GUCY2C: variants seen among roughly 807,000 people sequenced by gnomAD.
GUCY2C encodes guanylate cyclase 2C, also known as guanylyl cyclase C.
A neutral mutation model predicts 131.1 loss-of-function variants in GUCY2C; 118 were observed. The observed-to-expected ratio is 0.90, with a 90% CI of 0.78 to 1.05. GUCY2C has a LOEUF of 1.05. GUCY2C is among the 50% of genes least tolerant of loss of function. The pLI is 0.00. For missense variants in GUCY2C, 1,161 were observed against 1,304.4 expected, an observed-to-expected ratio of 0.89 and a Z score of 1.69; for synonymous variants, 452 against 457.8, an observed-to-expected ratio of 0.99 and a Z score of 0.16.
At chr12:14,629,000 A>G (rs1172337313) in intron 19 of GUCY2C, among the ~76,000 whole-genome samples, 2 of 152,242 alleles carry the variant, frequency 1.3e-5, no homozygotes, top group African/African-American at 4.8e-5. Context: ...ACGGGAGACT[A>G]AGTGAATTTA....
At chr12:14,628,874 T>A in intron 19 of GUCY2C, 137 bp from the exon 20 acceptor site, 2 of 616,874 alleles carry the variant, frequency 3.2e-6, no homozygotes, top group Non-Finnish European at 5.8e-6. Flanking sequence ...GGACAAGAGA[T>A]CCCCAGCTCT....
chr12:14,654,537 T>TC (rs1223590581), intron 12 of GUCY2C, among the ~76,000 whole-genome samples: 1 of 152,186 alleles, frequency 6.6e-6, no homozygotes, highest in Non-Finnish European at 1.5e-5. Context: ...ATTTCCTTGG[T>TC]CAGGTGACTC....
At chr12:14,676,513 A>C (rs2137081115) in intron 7 of GUCY2C, among the ~76,000 whole-genome samples, 1 of 152,312 alleles carries the variant, frequency 6.6e-6, no homozygotes, top group African/African-American at 2.4e-5. Context: ...TACATTATTT[A>C]ATTTCTACCT....
At position 14,666,779 on chromosome 12, in the gene GUCY2C, C is replaced by T. The variant is rs367916096; in HGVS notation, c.1282+2943G>A. Among the ~76,000 whole-genome samples, 8 of 151,332 alleles carry T rather than the reference C, an allele frequency of 5.3e-5. No homozygotes were observed. In the South Asian group the frequency reaches 1.5e-3, roughly 28 times the overall value. The stretch of plus-strand genomic sequence containing the variant: ...TAAGAAAAGAAAAGAAAAAGCCTTA[C>T]TGAGGACTCCTGTACCCTCGCTACC... On this transcript the variant is annotated intron_variant, in intron 10 of 26. Transcript: ENST00000261170.
intron 21 of GUCY2C, among the ~76,000 whole-genome samples, chr12:14,625,012 A>G: frequency 6.6e-6 from 1 of 152,168 alleles, no homozygotes; most frequent in Non-Finnish European, 1.5e-5. Flanking sequence ...CCTTGAAGTG[A>G]ATATGAAGGG....
At chr12:14,688,311 A>G (rs1948513363) in intron 1 of GUCY2C, among the ~76,000 whole-genome samples, 2 of 152,064 alleles carry the variant, frequency 1.3e-5, no homozygotes, top group African/African-American at 4.8e-5. Flanking sequence ...ATCTATCATA[A>G]AAATCATCCA....
At chr12:14,650,528 G>A (rs1286186489) in intron 15 of GUCY2C, among the ~76,000 whole-genome samples, 2 of 152,210 alleles carry the variant, frequency 1.3e-5, no homozygotes, top group African/African-American at 2.4e-5. Context: ...TTACAGGCGT[G>A]AGCCACCGTG....
intron 14 of GUCY2C, 132 bp from the exon 15 acceptor site, chr12:14,651,643 G>T: frequency 1.6e-6 from 1 of 626,266 alleles, no homozygotes. Context: ...TTGAATGTCA[G>T]TACCCATTGC....
intron 22 of GUCY2C, among the ~76,000 whole-genome samples, 192 bp downstream of exon 22, chr12:14,621,813 G>A (rs1946902488): frequency 6.6e-6 from 1 of 152,100 alleles, no homozygotes. Flanking sequence ...GCTTCTTAAA[G>A]TTGAATGGTA....
chr12:14,612,889 C>T lies in GUCY2C; in HGVS notation c.*228G>A. 1 of 445,570 alleles carries T rather than the reference C, an allele frequency of 2.2e-6. No individual in the cohort carries two copies. Among genetic ancestry groups the T allele is most frequent in the Non-Finnish European group, 4.0e-6 (1 of 249,614 alleles). 27.6% of individuals were successfully genotyped at this position (445,570 alleles called of 1,614,324 possible). On this transcript the variant is annotated 3_prime_UTR_variant, in exon 27 of 27. Coordinates refer to ENST00000261170, the MANE Select transcript of GUCY2C (RefSeq NM_004963.4). ...TCTTTTCTTTTCCAGGTAGAAGCTC[C>T]CTGGAACAACTGCTGGAATAAGGTT...
intron 8 of GUCY2C, among the ~76,000 whole-genome samples, chr12:14,673,852 G>C (rs984593850): frequency 1.3e-5 from 2 of 152,116 alleles, no homozygotes; most frequent in African/African-American, 2.4e-5. Context: ...CTCCCTCCCT[G>C]CATCTTCAGT....
chr12:14,631,534 TC>T (rs1440512753), intron 19 of GUCY2C, among the ~76,000 whole-genome samples: 1 of 152,138 alleles, frequency 6.6e-6, no homozygotes, highest in African/African-American at 2.4e-5. Flanking sequence ...TCCAATTTCA[TC>T]CATGTCCCTA....
intron 19 of GUCY2C, among the ~76,000 whole-genome samples, chr12:14,638,261 G>T (rs1455982160): frequency 6.6e-6 from 1 of 152,206 alleles, no homozygotes; most frequent in Non-Finnish European, 1.5e-5. Context: ...CTTACACACT[G>T]TTGATGGGAA....
intron 13 of GUCY2C, 37 bp from the exon 14 acceptor site, chr12:14,652,067 G>A: frequency 8.4e-7 from 1 of 1,194,964 alleles, no homozygotes. Flanking sequence ...ACAGTGTTGT[G>A]GTGTAACTCT....
chr12:14,680,515 A>G (rs1027286494), intron 5 of GUCY2C, among the ~76,000 whole-genome samples: 13 of 152,206 alleles, frequency 8.5e-5, no homozygotes, highest in African/African-American at 3.1e-4. Context: ...TAATGGCAAT[A>G]AATGATGATT....
chr12:14,655,644 C>T (rs969583041), intron 12 of GUCY2C, among the ~76,000 whole-genome samples: 9 of 152,280 alleles, frequency 5.9e-5, no homozygotes, highest in Admixed American at 3.9e-4. Context: ...AAGGAGTCCA[C>T]GAATTCCCAT....
intron 18 of GUCY2C, among the ~76,000 whole-genome samples, chr12:14,640,342 A>C (rs767096273): frequency 8.6e-5 from 13 of 151,736 alleles, no homozygotes; most frequent in Non-Finnish European, 1.8e-4. Context: ...CTGTCGTCCC[A>C]GCTACTTGGA....
At position 14,676,957 on chromosome 12, in the gene GUCY2C, T is replaced by C; in HGVS notation, c.845A>G (p.Glu282Gly). The change falls in exon 7 of 27, where the codon GAG becomes GGG. Residue 282 changes from glutamate (E) to glycine (G), a missense_variant. By Grantham distance (98) the Glu-to-Gly change is moderately conservative. Transcript: ENST00000261170. ...ATAGTCAGGGGCTGTGACATTGTCC[T>C]CAAAGTACTGGTCACTGTAATAAAA... Reference protein sequence around the residue: ...LVDLFNDQYFEDNVTAPDYMK... With the variant: ...LVDLFNDQYFGDNVTAPDYMK... 1 of 1,464,432 alleles carries C rather than the reference T, an allele frequency of 6.8e-7. No individual in the cohort carries two copies. Among genetic ancestry groups the C allele is most frequent in the South Asian group, 1.3e-5 (1 of 79,974 alleles). The allele number at this position is 1,464,432 out of a possible 1,614,324, so 90.7% of individuals were successfully genotyped here.
In GUCY2C at chr12:14,669,625, C is replaced by T. The variant is rs868371471; in HGVS notation, c.1282+97G>A. The T allele has an allele frequency of 7.9e-5, 53 of 668,732 alleles. No individual in the cohort carries two copies. The Middle Eastern group carries it at 2.3e-3, about 29-fold the overall frequency. The allele number at this position is 668,732 out of a possible 1,614,324, so 41.4% of individuals were successfully genotyped here. A position where few individuals can be genotyped will look rare whatever the true frequency, so the allele number is the denominator to read the frequency against. ...TCAAACTGGGACAGCAGACAAAACA[C>T]AGCAAAAAGCACAGGCTAATTACAT... On this transcript the variant is annotated intron_variant, in intron 10 of 26. Coordinates refer to ENST00000261170, the MANE Select transcript of GUCY2C (RefSeq NM_004963.4).
Sources: allele counts gnomAD v4.1 joint callset (sites outside exome capture counted in the v4.1 genomes callset), GRCh38; gene constraint gnomAD v4.1.1; transcripts MANE v1.5; gene names NCBI Gene and HGNC (gene_info 2026-07-23, HGNC 2026-07-21).